RAB44: variants seen among roughly 807,000 people sequenced by gnomAD.
RAB44 encodes the protein RAB44, member RAS oncogene family, also known as ras-related protein Rab-44.
Under a neutral mutation model 93.3 loss-of-function variants are expected in RAB44, and 67 were observed. That is an observed-to-expected ratio of 0.72 (90% CI 0.59 to 0.88). RAB44 has a LOEUF of 0.88. Among genes scored for constraint, RAB44 ranks in the 40% least tolerant of loss-of-function variants. RAB44 has a pLI of 0.00. For synonymous variants in RAB44, 427 were observed against 520.3 expected, an observed-to-expected ratio of 0.82 and a Z score of 2.44; for missense variants, 1,064 against 1,261.7, an observed-to-expected ratio of 0.84 and a Z score of 2.37.
chr6:36,713,792 GT>G (rs1762842798), intron 2 of RAB44, 35 bp from the exon 3 acceptor site: 2 of 1,358,930 alleles, frequency 1.5e-6, no homozygotes, highest in Non-Finnish European at 2.0e-6. Flanking sequence ...GCCTTCCCCG[GT>G]GGGAACACCT....
intron 9 of RAB44, among the ~76,000 whole-genome samples, chr6:36,725,393 C>A (rs976770392): frequency 4.6e-5 from 7 of 152,162 alleles, no homozygotes; most frequent in African/African-American, 1.7e-4. Flanking sequence ...TTCTAATTTG[C>A]CACTTTGCAG....
chr6:36,717,404 A>C lies in RAB44; in HGVS notation c.626A>C (p.Glu209Ala). 8.1e-7 allele frequency: 1 copy of C among 1,232,204 alleles called. No homozygotes were observed. Among genetic ancestry groups the C allele is most frequent in the Admixed American group, 4.2e-5 (1 of 23,718 alleles). The allele number at this position is 1,232,204 out of a possible 1,614,324, so 76.3% of individuals were successfully genotyped here. The change falls in exon 5 of 14, where the codon GAG becomes GCG. Residue 209 changes from glutamate to alanine, a missense_variant. Coordinates refer to ENST00000612677, the MANE Select transcript of RAB44 (RefSeq NM_001257357.2). This position sits in a 1 kb window ranked among gnomAD's most constrained non-coding sequence, Gnocchi z 4.1. Reference protein sequence around the residue: ...QEAQADKEALELTLRKRDSDH... With the variant: ...QEAQADKEALALTLRKRDSDH... ...GCCCAGGCGGACAAGGAGGCCCTGG[A>C]GCTGACCCTGAGGAAGTGAGTGGGG... is the stretch of plus-strand genomic sequence containing the variant.
rs561093030 is a variant in RAB44, at chr6:36,720,173, C to G, written c.829-190C>G. On this transcript the variant is annotated intron_variant, in intron 7 of 13. Coordinates refer to ENST00000612677, the MANE Select transcript of RAB44 (RefSeq NM_001257357.2). ...TCCCCACCCTAGGATTTCCAGTGCC[C>G]CTCCTAGATAGGAGCTAATGGAGCT... 5.3e-5 allele frequency among the ~76,000 whole-genome samples: 8 copies of G among 151,594 alleles called. No individual in the cohort carries two copies. In the East Asian group the frequency reaches 1.5e-3, roughly 29 times the overall value.
intron 7 of RAB44, among the ~76,000 whole-genome samples, chr6:36,719,741 T>C (rs236483): frequency 0.62 from 95,032 of 152,068 alleles, 31,298 homozygotes; most frequent in Non-Finnish European, 0.75. Context: ...GTGTGATATG[T>C]GGGGGAAGGG....
chr6:36,703,281 C>G (rs930132956), intron 1 of RAB44, among the ~76,000 whole-genome samples: 2 of 152,154 alleles, frequency 1.3e-5, no homozygotes, highest in Non-Finnish European at 2.9e-5. Flanking sequence ...CCCATCAGGC[C>G]CCATCGCCCA....
In RAB44 at chr6:36,721,902, C is replaced by G. The variant is rs566132086; in HGVS notation, c.1768C>G (p.Gln590Glu). 2.2e-5 allele frequency: 27 copies of G among 1,235,004 alleles called. No homozygotes were observed. The highest frequency in any genetic ancestry group is 2.5e-5 in the Non-Finnish European group (25 of 988,694). The allele number at this position is 1,235,004 out of a possible 1,614,324, so 76.5% of individuals were successfully genotyped here. A position where few individuals can be genotyped will look rare whatever the true frequency, so the allele number is the denominator to read the frequency against. Residue 590 changes from glutamine to glutamate, a missense_variant, in exon 9 of 14, where the codon CAG becomes GAG. Physicochemically the swap from Gln to Glu is conservative, Grantham distance 29. Coordinates refer to ENST00000612677, the MANE Select transcript of RAB44 (RefSeq NM_001257357.2). ...GCCGCCCAGGCAGAGAGATGCCCTC[C>G]AGCAGGACCTGCATGCCACTGGCTC... ...AKPPRQRDAL[Q>E]QDLHATGSEP...
At position 36,732,049 on chromosome 6, in the gene RAB44, G is replaced by A; in HGVS notation, c.3022G>A (p.Val1008Met). ...AGGCCTGAAGGACTCGCTGGTGAAG[G>A]TGGCCCCCAAGAGGCCGCCCAAGAG... ...EEGLKDSLVK[V>M]APKRPPKRFG... is the part of the protein sequence containing the mutation. The change falls in exon 14 of 14, where the codon GTG (valine) becomes ATG (methionine). Residue 1008 changes from valine to methionine, a missense_variant. Coordinates refer to ENST00000612677, the MANE Select transcript of RAB44 (RefSeq NM_001257357.2). The A allele has an allele frequency of 2.4e-6, 3 of 1,234,458 alleles. No homozygotes were observed. The highest frequency in any genetic ancestry group is 2.0e-6 in the Non-Finnish European group (2 of 988,252). 76.5% of individuals were successfully genotyped at this position (1,234,458 alleles called of 1,614,324 possible).
intron 12 of RAB44, among the ~76,000 whole-genome samples, chr6:36,729,280 T>A (rs1008728208): frequency 6.6e-6 from 1 of 152,296 alleles, no homozygotes; most frequent in South Asian, 2.1e-4. Flanking sequence ...ACACTATCTA[T>A]TCATGAATGG....
At chr6:36,726,802 ATT>A (rs35515538) in intron 10 of RAB44, among the ~76,000 whole-genome samples, 17 of 143,058 alleles carry the variant, frequency 1.2e-4, no homozygotes, top group South Asian at 2.2e-4. Context: ...ACTAATAGGG[ATT>A]TTTTTTTTTT....
chr6:36,705,002 C>T (rs1444397373), intron 2 of RAB44, among the ~76,000 whole-genome samples: 1 of 151,936 alleles, frequency 6.6e-6, no homozygotes, highest in South Asian at 2.1e-4. Flanking sequence ...TGCCTGTAAT[C>T]CCAGCTACTT....
intron 9 of RAB44, 42 bp from the exon 10 acceptor site, chr6:36,725,820 G>A (rs1197545359): frequency 7.0e-7 from 1 of 1,437,600 alleles, no homozygotes; most frequent in Non-Finnish European, 9.6e-7. Context: ...AGGAGTCCTG[G>A]ATGGTAACTT....
rs1014570210 is a variant in RAB44, at chr6:36,704,506, C to A, written c.207+64C>A. Reference sequence around the variant, plus strand: ...TCCGCAGCTCCTGACACCCCCTCTCCCCCATCACAGGAAGGCAGGGCTTGC... The same window carrying A: ...TCCGCAGCTCCTGACACCCCCTCTCACCCATCACAGGAAGGCAGGGCTTGC... On this transcript the variant is annotated intron_variant, in intron 2 of 13. Coordinates refer to ENST00000612677, the MANE Select transcript of RAB44 (RefSeq NM_001257357.2). 6 of 1,456,406 alleles carry A rather than the reference C, an allele frequency of 4.1e-6. No homozygotes were observed. In the East Asian group the frequency reaches 1.5e-4, roughly 36 times the overall value. The allele number at this position is 1,456,406 out of a possible 1,614,324, so 90.2% of individuals were successfully genotyped here.
intron 2 of RAB44, among the ~76,000 whole-genome samples, chr6:36,707,279 C>T (rs1475952665): frequency 2.6e-5 from 4 of 151,576 alleles, no homozygotes; most frequent in East Asian, 1.9e-4. Flanking sequence ...ATCACTTCAA[C>T]GTGGGAGGCG....
chr6:36,713,857 G>A lies in RAB44; in HGVS notation c.237G>A (p.Lys79=), dbSNP rs1197182915. ...AVAKFSFLGS[K]EESEMIFDWV... is the part of the protein sequence containing the mutation. ...CCAAGTTCAGCTTCCTGGGCAGCAA[G>A]GAAGAGTCAGAGATGATCTTCGACT... is the stretch of plus-strand genomic sequence containing the variant. The change falls in exon 3 of 14, where the codon AAG becomes AAA. Residue 79 remains lysine, a synonymous_variant. Coordinates refer to ENST00000612677, the MANE Select transcript of RAB44 (RefSeq NM_001257357.2). 58 of 1,536,000 alleles carry A rather than the reference G, an allele frequency of 3.8e-5. No individual in the cohort carries two copies. Among genetic ancestry groups the A allele is most frequent in the Non-Finnish European group, 4.8e-5 (55 of 1,146,872 alleles).
chr6:36,704,494 A>G, intron 2 of RAB44, 52 bp downstream of exon 2: 1 of 1,485,666 alleles, frequency 6.7e-7, no homozygotes, highest in South Asian at 1.2e-5. Context: ...GCAGCTCCTG[A>G]CACCCCCTCT....
At chr6:36,720,624 C>T (rs572447599) in intron 8 of RAB44, 74 bp downstream of exon 8, 4 of 1,118,448 alleles carry the variant, frequency 3.6e-6, no homozygotes, top group East Asian at 6.4e-5. Context: ...TCTGAGTTCT[C>T]TAAGGATCTA....
chr6:36,725,991 G>A lies in RAB44; in HGVS notation c.2681+48G>A, dbSNP rs556551854. The A allele has an allele frequency of 4.3e-6, 6 of 1,399,572 alleles. No individual in the cohort carries two copies. The African/African-American group carries it at 5.7e-5, about 13-fold the overall frequency. 86.7% of individuals were successfully genotyped at this position (1,399,572 alleles called of 1,614,324 possible). On this transcript the variant is annotated intron_variant, in intron 10 of 13. Transcript: ENST00000612677. ...GTGTCAGGAACCTAGGCTGAGCGTA[G>A]GGGTGCAGAGGGACAGGGAGCAGCC...
At chr6:36,728,655 C>T (rs1763291834) in intron 11 of RAB44, 45 bp from the exon 12 acceptor site, 1 of 1,508,664 alleles carries the variant, frequency 6.6e-7, no homozygotes, top group Non-Finnish European at 9.0e-7. Context: ...TGCCAGGAGC[C>T]TGGCACACAG....
chr6:36,719,358 G>A (rs758244468), intron 7 of RAB44, among the ~76,000 whole-genome samples: 1 of 152,184 alleles, frequency 6.6e-6, no homozygotes, highest in East Asian at 1.9e-4. Flanking sequence ...GGCCCCTCCT[G>A]CCAAGTGAAG....
Sources: gnomAD v4.1 joint callset for allele counts (sites outside exome capture counted in the v4.1 genomes callset) on GRCh38, gnomAD v4.1.1 for gene constraint, Gnocchi (gnomAD v3.1) non-coding constraint, MANE v1.5 for transcripts, NCBI Gene and HGNC (gene_info 2026-07-23, HGNC 2026-07-21) for gene names.